SUCO: variants seen among roughly 807,000 people sequenced by gnomAD.
SUCO encodes the protein SUN domain containing ossification factor.
A neutral mutation model predicts 148.1 loss-of-function variants in SUCO; 57 were observed. That is an observed-to-expected ratio of 0.38 (90% CI 0.31 to 0.48). SUCO has a LOEUF of 0.48. Ranked by LOEUF, SUCO falls within the 20% of genes least tolerant of loss-of-function variation. The pLI, the probability that SUCO is intolerant of heterozygous loss-of-function variation, is 0.96. For synonymous variants in SUCO, 470 were observed against 502.7 expected (o/e 0.93, Z 0.87); for missense variants, 1,331 against 1,468.2 (o/e 0.91, Z 1.53).
At chr1:172,552,542 T>C in intron 2 of SUCO, 1 of 682,704 alleles carries the variant, frequency 1.5e-6, no homozygotes, top group Non-Finnish European at 1.8e-6. Flanking sequence ...TACAATTACA[T>C]ACTTGAGGGT....
At chr1:172,562,806 C>T (rs1654274668) in intron 6 of SUCO, among the ~76,000 whole-genome samples, 1 of 152,204 alleles carries the variant, frequency 6.6e-6, no homozygotes, top group Non-Finnish European at 1.5e-5. Flanking sequence ...TGGTTTAGCT[C>T]TGTGTCGCCA....
In SUCO at chr1:172,611,561, C is replaced by A. The variant is rs754237575; in HGVS notation, c.*1302C>A. On this transcript the variant is annotated 3_prime_UTR_variant, in exon 24 of 24. Transcript: ENST00000263688. ...TGTTTGTAATGTGACTTATTTAACG[C>A]CTTTTTTGTTTGTTTAAGTTGCTGC... 5 of 152,562 alleles carry A rather than the reference C, an allele frequency of 3.3e-5. No individual in the cohort carries two copies. Among genetic ancestry groups the A allele is most frequent in the African/African-American group, 9.7e-5 (4 of 41,436 alleles). 9.5% of individuals were successfully genotyped at this position (152,562 alleles called of 1,614,324 possible).
At chr1:172,574,524 C>T (rs977508755) in intron 10 of SUCO, among the ~76,000 whole-genome samples, 1 of 151,776 alleles carries the variant, frequency 6.6e-6, no homozygotes, top group South Asian at 2.1e-4. Context: ...TTTTGTCAAC[C>T]AGAGATAGCC....
intron 6 of SUCO, among the ~76,000 whole-genome samples, chr1:172,564,078 A>T (rs1357800532): frequency 6.6e-6 from 1 of 152,238 alleles, no homozygotes; most frequent in Non-Finnish European, 1.5e-5. Flanking sequence ...GAGGTTTGGG[A>T]ACTTCTGCCT....
intron 6 of SUCO, among the ~76,000 whole-genome samples, chr1:172,561,621 T>C (rs958134189): frequency 6.6e-6 from 1 of 152,010 alleles, no homozygotes; most frequent in African/African-American, 2.4e-5. Flanking sequence ...AGAGAGGTGT[T>C]TCCTAGGAGG....
chr1:172,565,729 T>G (rs1314313871), intron 6 of SUCO, among the ~76,000 whole-genome samples: 4 of 152,078 alleles, frequency 2.6e-5, no homozygotes, highest in African/African-American at 9.7e-5. Flanking sequence ...TGACAGAAAG[T>G]TAAAAGCAAA....
intron 3 of SUCO, among the ~76,000 whole-genome samples, chr1:172,555,596 T>A (rs1311592282): frequency 6.6e-6 from 1 of 152,212 alleles, no homozygotes; most frequent in Non-Finnish European, 1.5e-5. Flanking sequence ...GAAATCTCTG[T>A]AGGTCCTGAT....
At chr1:172,592,334 G>A (rs1299665637) in intron 19 of SUCO, among the ~76,000 whole-genome samples, 4 of 152,176 alleles carry the variant, frequency 2.6e-5, no homozygotes, top group Admixed American at 2.0e-4. Context: ...TGGTGTTTTA[G>A]TCATGATGTC....
At chr1:172,599,266 T>A (rs1436967650) in intron 19 of SUCO, 1 of 157,860 alleles carries the variant, frequency 6.3e-6, no homozygotes, top group Non-Finnish European at 1.4e-5. Context: ...GAGGCGGAGC[T>A]TGCAGTGAGC....
At chr1:172,549,326 A>C (rs935991120) in intron 1 of SUCO, among the ~76,000 whole-genome samples, 1 of 151,788 alleles carries the variant, frequency 6.6e-6, no homozygotes, top group Non-Finnish European at 1.5e-5. Context: ...CAAGCCTAAT[A>C]ATTGCAGACT....
chr1:172,577,207 T>C, intron 11 of SUCO: 1 of 197,096 alleles, frequency 5.1e-6, no homozygotes, highest in Non-Finnish European at 9.2e-6. Flanking sequence ...AAAGATTGTT[T>C]CTAGATACTG....
In SUCO at chr1:172,570,064, T is replaced by G; in HGVS notation, c.874T>G (p.Ser292Ala). 6.4e-7 allele frequency: 1 copy of G among 1,566,396 alleles called. No homozygotes were observed. Among genetic ancestry groups the G allele is most frequent in the African/African-American group, 1.4e-5 (1 of 73,498 alleles). The change falls in exon 8 of 24, where the codon TCT (serine) becomes GCT (alanine). Residue 292 changes from serine (S) to alanine (A), a missense_variant. Around this residue, in one of 3 missense-constraint regions of SUCO, gnomAD observed 992 missense variants for 1,093.5 expected, o/e 0.91. Transcript: ENST00000263688. ...GTCTGCAGGTCAGTCGATGCATGCA[T>G]CTTCTAATGGAGGTTCACATGCCAC... ...EKEKSQSMHA[S>A]SNGGSHATKK...
chr1:172,594,529 C>T (rs538901963), intron 19 of SUCO, among the ~76,000 whole-genome samples: 5 of 152,086 alleles, frequency 3.3e-5, no homozygotes, highest in Admixed American at 6.6e-5. Context: ...GCCTTCATTT[C>T]GTTATGTACC....
rs544579139 is a variant in SUCO at position 172,609,655 on chromosome 1, A to G, written c.3322-161A>G. 1.4e-5 allele frequency: 14 copies of G among 984,854 alleles called. No individual in the cohort carries two copies. The South Asian group carries it at 2.8e-4, about 20-fold the overall frequency. The allele number at this position is 984,854 out of a possible 1,614,324, so 61.0% of individuals were successfully genotyped here. On this transcript the variant is annotated intron_variant, in intron 23 of 23. Transcript: ENST00000263688. Reference sequence around the variant, plus strand: ...TACAAAATGGGAAGATGATGCTAGTATCTATATAGAACATAACAATGTATG... The same window carrying G: ...TACAAAATGGGAAGATGATGCTAGTGTCTATATAGAACATAACAATGTATG...
At position 172,588,912 on chromosome 1, in the gene SUCO, A is replaced by T; in HGVS notation, c.1811A>T (p.Glu604Val). 6.2e-7 allele frequency: 1 copy of T among 1,613,176 alleles called. No individual in the cohort carries two copies. The highest frequency in any genetic ancestry group is 8.5e-7 in the Non-Finnish European group (1 of 1,179,612). Residue 604 changes from glutamate (E) to valine (V), a missense_variant, in exon 18 of 24, where the codon GAA becomes GTA. This residue lies in a region of SUCO where 992 missense variants were observed against 1,093.5 expected (regional missense o/e 0.91). Coordinates refer to ENST00000263688, the MANE Select transcript of SUCO (RefSeq NM_014283.5). ...TLLGSGEQED[E>V]SSPWFESETQ... ...CTGGGCAGCGGTGAACAGGAAGATG[A>T]ATCATCACCCTGGTTTGAGTCAGAG... is the stretch of plus-strand genomic sequence containing the variant.
intron 6 of SUCO, among the ~76,000 whole-genome samples, chr1:172,558,317 T>C (rs1037735056): frequency 2.0e-5 from 3 of 152,224 alleles, no homozygotes; most frequent in African/African-American, 7.2e-5. Context: ...CAGTTTTACT[T>C]TCTTTTCTCC....
At chr1:172,542,958 G>A in intron 1 of SUCO, 2 of 985,126 alleles carry the variant, frequency 2.0e-6, no homozygotes, top group Non-Finnish European at 2.4e-6. Context: ...TGGGAGTGGA[G>A]AATAATAGAA....
intron 22 of SUCO, among the ~76,000 whole-genome samples, chr1:172,607,399 G>T (rs1478677708): frequency 6.6e-6 from 1 of 151,432 alleles, no homozygotes; most frequent in East Asian, 1.9e-4. Flanking sequence ...CTTTACCTGA[G>T]AATATAGTCC....
intron 1 of SUCO, chr1:172,542,884 A>G (rs1315475820): frequency 1.0e-6 from 1 of 985,324 alleles, no homozygotes; most frequent in African/African-American, 1.7e-5. Context: ...AAAATGTCTT[A>G]GATAAGTTTG....
Sources: gnomAD v4.1 joint callset for allele counts (sites outside exome capture counted in the v4.1 genomes callset) on GRCh38, gnomAD v4.1.1 for gene constraint, gnomAD v4.1.1 regional missense constraint, MANE v1.5 for transcripts, NCBI Gene and HGNC (gene_info 2026-07-23, HGNC 2026-07-21) for gene names.